The following STAU1 variants were observed in gnomAD, a reference collection of about 807,000 sequenced individuals.
STAU1 encodes the protein double-stranded RNA-binding protein Staufen homolog 1.
Under a neutral mutation model 62.9 loss-of-function variants are expected in STAU1, and 13 were observed. The observed-to-expected ratio is 0.21, with a 90% confidence interval of 0.13 to 0.33. The LOEUF (loss-of-function observed/expected upper bound fraction) is 0.33, where lower values mean the gene tolerates loss of function less well. Ranked by LOEUF, STAU1 falls within the 10% of genes least tolerant of loss-of-function variation. STAU1 has a pLI of 1.00. For synonymous variants in STAU1, 269 were observed against 265.1 expected (o/e 1.01, Z -0.14); for missense variants, 571 against 712.1 (o/e 0.80, Z 2.25).
intron 8 of STAU1, 150 bp downstream of exon 8, chr20:49,122,942 T>C: frequency 1.6e-6 from 1 of 626,974 alleles, no homozygotes; most frequent in East Asian, 4.0e-5. Flanking sequence ...AATAAATAAA[T>C]AAATAAATAA....
chr20:49,122,784 G>C (rs2092494457), intron 8 of STAU1, among the ~76,000 whole-genome samples: 1 of 152,114 alleles, frequency 6.6e-6, no homozygotes, highest in African/African-American at 2.4e-5. Flanking sequence ...GGGCATGGTG[G>C]CACGTGCCTG....
the STAU1 span, among the ~76,000 whole-genome samples, chr20:49,212,601 C>T: frequency 1.6e-4 from 11 of 67,972 alleles, no homozygotes; most frequent in East Asian, 8.3e-4. Context: ...CCCTTAAAAA[C>T]GGAAGCTATT....
At chr20:49,129,317 TCA>T (rs1400423297) in intron 6 of STAU1, among the ~76,000 whole-genome samples, 18 of 120,620 alleles carry the variant, frequency 1.5e-4, no homozygotes, top group African/African-American at 5.3e-4. Flanking sequence ...AGACGGAGTC[TCA>T]CTCTGTCACC....
chr20:49,186,970 G>A (rs1256255409), intron 1 of STAU1, among the ~76,000 whole-genome samples: 1 of 152,144 alleles, frequency 6.6e-6, no homozygotes, highest in Non-Finnish European at 1.5e-5. Context: ...CTGCAACACG[G>A]AGGCGGGGCA....
In STAU1 at chr20:49,117,043, C is replaced by T; in HGVS notation, c.1632+83G>A. On this transcript the variant is annotated intron_variant, in intron 12 of 13. Transcript: ENST00000371856. This position sits in a 1 kb window ranked among gnomAD's most constrained non-coding sequence, Gnocchi z 4.6. The stretch of plus-strand genomic sequence containing the variant: ...TATGGGACAATCTTTCTCCCATCTT[C>T]CTCAGGCTAGTAACAAGCTGAACCA... 2 of 1,547,146 alleles carry T rather than the reference C, an allele frequency of 1.3e-6. No homozygotes were observed. Among genetic ancestry groups the T allele is most frequent in the Non-Finnish European group, 1.8e-6 (2 of 1,135,674 alleles).
chr20:49,152,403 G>C (rs557348878), intron 4 of STAU1, among the ~76,000 whole-genome samples: 32 of 147,550 alleles, frequency 2.2e-4, no homozygotes, highest in African/African-American at 6.8e-4. Context: ...GAGTGCAGTG[G>C]TGCGATCTCG....
At chr20:49,165,732 C>G (rs1241639278) in intron 3 of STAU1, among the ~76,000 whole-genome samples, 1 of 152,230 alleles carries the variant, frequency 6.6e-6, no homozygotes, top group Non-Finnish European at 1.5e-5. Context: ...AGCCACCGCT[C>G]TTTAACAGAT....
intron 8 of STAU1, among the ~76,000 whole-genome samples, chr20:49,120,799 T>C (rs1469731864): frequency 1.3e-5 from 2 of 152,176 alleles, no homozygotes; most frequent in East Asian, 3.9e-4. Flanking sequence ...CTTTTTCTTT[T>C]TTCTTTTTTG....
intron 1 of STAU1, among the ~76,000 whole-genome samples, chr20:49,176,085 C>T (rs532622383): frequency 1.9e-4 from 29 of 152,258 alleles, no homozygotes; most frequent in African/African-American, 6.3e-4. Flanking sequence ...TGAGCCACCG[C>T]GCCCGGCAAT....
chr20:49,131,178 T>A (rs2092740075), intron 6 of STAU1, among the ~76,000 whole-genome samples: 1 of 152,134 alleles, frequency 6.6e-6, no homozygotes, highest in Admixed American at 6.5e-5. Context: ...TTTAAACATG[T>A]CAATGTCATG....
chr20:49,129,015 G>A (rs2092693828), intron 6 of STAU1, among the ~76,000 whole-genome samples: 2 of 151,540 alleles, frequency 1.3e-5, no homozygotes, highest in African/African-American at 2.4e-5. Flanking sequence ...AAAATCAAAC[G>A]ACAAGCCACA....
intron 3 of STAU1, among the ~76,000 whole-genome samples, chr20:49,159,347 T>C (rs1243257042): frequency 3.9e-5 from 6 of 152,162 alleles, no homozygotes; most frequent in African/African-American, 1.4e-4. Context: ...GAACAACTTC[T>C]CCTCTTTGAA....
At chr20:49,196,361 C>T in the STAU1 span, among the ~76,000 whole-genome samples, 2 of 142,586 alleles carry the variant, frequency 1.4e-5, no homozygotes, top group Non-Finnish European at 3.0e-5. Flanking sequence ...GCGTGAACCC[C>T]GGGGGGCGGA....
In STAU1 at chr20:49,135,817, T is replaced by C. The variant is rs980269870; in HGVS notation, c.609+16A>G. On this transcript the variant is annotated intron_variant, in intron 6 of 13. Coordinates refer to ENST00000371856, the MANE Select transcript of STAU1 (RefSeq NM_017453.4). ...GGATTTTAGAATACAAAGTCCTACA[T>C]GTAAAATTAGCTTACCTCGAAATTC... is the stretch of plus-strand genomic sequence containing the variant. 1.2e-6 allele frequency: 2 copies of C among 1,600,732 alleles called. No homozygotes were observed. The highest frequency in any genetic ancestry group is 1.7e-5 in the Admixed American group (1 of 59,338).
At chr20:49,146,396 T>C (rs2093133012) in intron 5 of STAU1, among the ~76,000 whole-genome samples, 1 of 152,050 alleles carries the variant, frequency 6.6e-6, no homozygotes, top group Non-Finnish European at 1.5e-5. Flanking sequence ...TACAAAAGTA[T>C]AAAAAAGTAT....
chr20:49,125,091 AC>A (rs1443014723), intron 6 of STAU1, among the ~76,000 whole-genome samples: 49 of 137,198 alleles, frequency 3.6e-4, no homozygotes, highest in African/African-American at 1.3e-3. Flanking sequence ...AAAAAAAAAA[AC>A]CCACAAAAGA....
intron 1 of STAU1, among the ~76,000 whole-genome samples, chr20:49,186,766 T>G (rs1380899041): frequency 6.6e-6 from 1 of 152,020 alleles, no homozygotes; most frequent in Admixed American, 6.6e-5. Flanking sequence ...CAATTTACAC[T>G]TGGTAAGCAC....
intron 1 of STAU1, among the ~76,000 whole-genome samples, chr20:49,184,340 C>T (rs2093762144): frequency 6.6e-6 from 1 of 152,046 alleles, no homozygotes; most frequent in South Asian, 2.1e-4. Context: ...TGGCTGGAGC[C>T]TATCTCAGCA....
At chr20:49,210,616 G>A in the STAU1 span, 1 of 416,822 alleles carries the variant, frequency 2.4e-6, no homozygotes, top group South Asian at 1.7e-5. Context: ...AAAGGACTTG[G>A]CACTTACACT....
Sources: allele counts gnomAD v4.1 joint callset (sites outside exome capture counted in the v4.1 genomes callset), GRCh38; gene constraint gnomAD v4.1.1; non-coding constraint Gnocchi (gnomAD v3.1); transcripts MANE v1.5; gene names NCBI Gene and HGNC (gene_info 2026-07-23, HGNC 2026-07-21).